Variants in TRIM54 observed in about 807,000 individuals in gnomAD.
TRIM54 encodes the protein tripartite motif-containing protein 54.
In TRIM54, 40 loss-of-function variants were observed where a neutral mutation model predicts 42.0. That is an observed-to-expected ratio of 0.95 (90% CI 0.74 to 1.24). TRIM54 has a LOEUF of 1.24. Ranked by LOEUF, TRIM54 falls within the 50% of genes most tolerant of loss-of-function variation. TRIM54 has a pLI of 0.00. For missense variants in TRIM54, 485 were observed against 480.3 expected, an observed-to-expected ratio of 1.01 and a Z score of -0.09; for synonymous variants, 199 against 194.9, an observed-to-expected ratio of 1.02 and a Z score of -0.17.
chr2:27,289,739 C>T (rs1467505804), intron 1 of TRIM54, among the ~76,000 whole-genome samples: 1 of 151,864 alleles, frequency 6.6e-6, no homozygotes, highest in Non-Finnish European at 1.5e-5. Context: ...AAAAAGGATC[C>T]TGAGCAGTGG....
rs766150772 is a variant in TRIM54 at position 27,298,711 on chromosome 2, A to G, written c.313A>G (p.Ile105Val). The G allele has an allele frequency of 2.5e-6, 4 of 1,613,984 alleles. No homozygotes were observed. In the African/African-American group the frequency reaches 5.3e-5, roughly 22 times the overall value. Residue 105 changes from isoleucine to valine, a missense_variant, in exon 2 of 9, where the codon ATC becomes GTC. By Grantham distance (29) the Ile-to-Val change is conservative (BLOSUM62 3). Coordinates refer to ENST00000380075, the MANE Select transcript of TRIM54 (RefSeq NM_187841.3). ...GCGAAACCTGCTAGTGGAGAACATTATCGACATTTACAAGCAGGAGTCATC... is the reference window on the plus strand; with the variant it reads ...GCGAAACCTGCTAGTGGAGAACATTGTCGACATTTACAAGCAGGAGTCATC... ...LQRNLLVENIIDIYKQESSRP... is the reference protein window; with the variant it reads ...LQRNLLVENIVDIYKQESSRP...
chr2:27,284,177 C>T (rs1018956132), intron 1 of TRIM54, among the ~76,000 whole-genome samples: 1 of 152,146 alleles, frequency 6.6e-6, no homozygotes, highest in Non-Finnish European at 1.5e-5. Context: ...CCAGAGCTGG[C>T]TGGTTTAGTA....
intron 3 of TRIM54, among the ~76,000 whole-genome samples, chr2:27,303,274 G>A (rs1025112488): frequency 2.0e-5 from 3 of 152,130 alleles, no homozygotes; most frequent in African/African-American, 4.8e-5. Context: ...CCAGAGACCC[G>A]GCTGGGCGCA....
chr2:27,301,920 G>A (rs544928547), intron 3 of TRIM54, among the ~76,000 whole-genome samples: 45 of 152,088 alleles, frequency 3.0e-4, no homozygotes, highest in African/African-American at 8.4e-4. Context: ...TTAAGAGGCC[G>A]AGGCGGGCGG....
chr2:27,303,209 G>A (rs1679082742), intron 3 of TRIM54, among the ~76,000 whole-genome samples: 1 of 152,152 alleles, frequency 6.6e-6, no homozygotes, highest in Non-Finnish European at 1.5e-5. Context: ...CTGAGCTAGA[G>A]AGACCAGACT....
intron 1 of TRIM54, among the ~76,000 whole-genome samples, chr2:27,297,327 G>A (rs1678892751): frequency 6.6e-6 from 1 of 152,226 alleles, no homozygotes; most frequent in South Asian, 2.1e-4. Context: ...AAGCCCCTGA[G>A]TCTCAAGTCC....
Position 27,307,361 on chromosome 2 carries a change from C to G in TRIM54, c.*476C>G, listed in dbSNP as rs1050610287. 11 of 1,292,804 alleles carry G rather than the reference C, an allele frequency of 8.5e-6. No individual in the cohort carries two copies. In the African/African-American group the frequency reaches 1.2e-4, roughly 14 times the overall value. 80.1% of individuals were successfully genotyped at this position (1,292,804 alleles called of 1,614,324 possible). A position where few individuals can be genotyped will look rare whatever the true frequency, so the allele number is the denominator to read the frequency against. ...GGCCCCACCTTCCCACGGGTTCCCA[C>G]GCTGCTGTGACTGCCCTGCCTCTAC... On this transcript the variant is annotated 3_prime_UTR_variant, in exon 9 of 9. Transcript: ENST00000380075. This position sits in a 1 kb window ranked among gnomAD's most constrained non-coding sequence, Gnocchi z 6.9.
chr2:27,300,985 G>T (rs1263291536), intron 3 of TRIM54, among the ~76,000 whole-genome samples: 1 of 152,144 alleles, frequency 6.6e-6, no homozygotes, highest in Non-Finnish European at 1.5e-5. Flanking sequence ...TCTTGACACA[G>T]ACCCCAAGAC....
intron 1 of TRIM54, among the ~76,000 whole-genome samples, chr2:27,289,856 T>TTC (rs1322203889): frequency 4.1e-5 from 6 of 148,104 alleles, no homozygotes; most frequent in African/African-American, 5.0e-5. Flanking sequence ...ATCTCTCTCT[T>TTC]TCTCTTTTTT....
At position 27,286,092 on chromosome 2, in the gene TRIM54, A is replaced by G. The variant is rs1372503443; in HGVS notation, c.168+3193A>G. 2.6e-5 allele frequency among the ~76,000 whole-genome samples: 4 copies of G among 152,266 alleles called. No homozygotes were observed. The East Asian group carries it at 7.7e-4, about 29-fold the overall frequency. On this transcript the variant is annotated intron_variant, in intron 1 of 8. Transcript: ENST00000380075. ...AAAAAGAAAATACTGTTAGTTGAAC[A>G]GTATTAAGGGGTTGGGAGGAAATCA...
chr2:27,290,410 G>A (rs1282596341), intron 1 of TRIM54, among the ~76,000 whole-genome samples: 1 of 152,184 alleles, frequency 6.6e-6, no homozygotes, highest in Non-Finnish European at 1.5e-5. Flanking sequence ...GCTCATGCCT[G>A]TAATCCCAGC....
At chr2:27,299,102 C>A in intron 2 of TRIM54, 143 bp from the exon 3 acceptor site, 1 of 893,102 alleles carries the variant, frequency 1.1e-6, no homozygotes, top group Non-Finnish European at 1.7e-6. Context: ...AAATTCAGAG[C>A]TCTGTGGAAG....
At position 27,298,594 on chromosome 2, in the gene TRIM54, G is replaced by A. The variant is rs541468362; in HGVS notation, c.196G>A (p.Gly66Ser). The part of the protein sequence containing the change: ...QASNPLWQSR[G>S]STTVSSGGRF... ...CTCGAATCCTCTATGGCAGTCCCGG[G>A]GCTCCACCACTGTGTCTTCAGGAGG... The change falls in exon 2 of 9, where the codon GGC becomes AGC. Residue 66 changes from glycine (G) to serine (S), a missense_variant. Coordinates refer to ENST00000380075, the MANE Select transcript of TRIM54 (RefSeq NM_187841.3). The A allele has an allele frequency of 6.2e-6, 10 of 1,614,094 alleles. No homozygotes were observed. The African/African-American group carries it at 9.3e-5, about 15-fold the overall frequency.
intron 1 of TRIM54, among the ~76,000 whole-genome samples, chr2:27,290,901 A>G (rs1678701632): frequency 6.6e-6 from 1 of 152,260 alleles, no homozygotes; most frequent in South Asian, 2.1e-4. Flanking sequence ...TTCTCAAAGT[A>G]GCCACTCAAC....
chr2:27,299,417 G>A lies in TRIM54; in HGVS notation c.513+1G>A. On this transcript the variant is annotated splice_donor_variant, in intron 3 of 8. Transcript: ENST00000380075. LOFTEE classifies it high-confidence loss of function. ...GCCCACCATTTACAAACGCCAGAAG[G>A]TATCAAACAGGGGAGGGAGTAGATA... The A allele has an allele frequency of 6.2e-7, 1 of 1,613,284 alleles. No homozygotes were observed. The highest frequency in any genetic ancestry group is 1.1e-5 in the South Asian group (1 of 90,966).
chr2:27,282,974 A>C, intron 1 of TRIM54, 75 bp downstream of exon 1: 3 of 1,475,268 alleles, frequency 2.0e-6, no homozygotes, highest in South Asian at 1.3e-5. Context: ...CAGAGCTGAG[A>C]CCCCAGAAGG....
intron 3 of TRIM54, among the ~76,000 whole-genome samples, chr2:27,300,565 T>TTTA (rs1196172747): frequency 0.02 from 3,048 of 149,862 alleles, 126 homozygotes; most frequent in African/African-American, 0.07. Context: ...AATAATAATA[T>TTTA]TTATTAGTAG....
chr2:27,288,541 C>T (rs1002329188), intron 1 of TRIM54, among the ~76,000 whole-genome samples: 4 of 152,242 alleles, frequency 2.6e-5, no homozygotes, highest in East Asian at 1.9e-4. Flanking sequence ...TCCATTCCAT[C>T]TTATCCTTCA....
At chr2:27,283,768 A>ACGCACGCGCGCGCGCGCG (rs1678459402) in intron 1 of TRIM54, among the ~76,000 whole-genome samples, 1 of 93,924 alleles carries the variant, frequency 1.1e-5, no homozygotes, top group African/African-American at 5.9e-5. Context: ...GCAAAGGCAC[A>ACGCACGCGCGCGCGCGCG]CACACACACA....
Sources: allele counts gnomAD v4.1 joint callset (sites outside exome capture counted in the v4.1 genomes callset), GRCh38; gene constraint gnomAD v4.1.1; non-coding constraint Gnocchi (gnomAD v3.1); transcripts MANE v1.5; gene names NCBI Gene and HGNC (gene_info 2026-07-23, HGNC 2026-07-21).